Variants in TNFRSF19 observed in about 807,000 individuals in gnomAD.
TNFRSF19 encodes the protein tumor necrosis factor receptor superfamily member 19.
In TNFRSF19, 27 loss-of-function variants were observed where a neutral mutation model predicts 46.4. The ratio of observed to expected loss-of-function variants is 0.58; its 90% CI spans 0.43 to 0.80. The LOEUF (loss-of-function observed/expected upper bound fraction) is 0.80, where lower values mean the gene tolerates loss of function less well. Among genes scored for constraint, TNFRSF19 ranks in the 30% least tolerant of loss-of-function variants. The pLI is 0.00. For synonymous variants in TNFRSF19, 204 were observed against 205.0 expected (o/e 1.00, Z 0.04); for missense variants, 511 against 530.8 (o/e 0.96, Z 0.37).
chr13:23,653,399 A>G (rs1883771507), intron 5 of TNFRSF19, among the ~76,000 whole-genome samples: 1 of 152,204 alleles, frequency 6.6e-6, no homozygotes, highest in South Asian at 2.1e-4. Context: ...AATGACAGTG[A>G]ACCAAACAAG....
At position 23,670,280 on chromosome 13, in the gene TNFRSF19, G is replaced by A. The variant is rs144487878; in HGVS notation, c.1245+1183G>A. 4.3e-4 allele frequency among the ~76,000 whole-genome samples: 65 copies of A among 152,192 alleles called. 1 individual carries two copies. In the East Asian group the frequency reaches 7.5e-3, roughly 18 times the overall value. ...AGCAATCACAGCTCACTGCAGCCTC[G>A]TCCTCCTGGGCTCAAGCCATCTTCC... On this transcript the variant is annotated intron_variant, in intron 9 of 9. Transcript: ENST00000248484.
intron 2 of TNFRSF19, among the ~76,000 whole-genome samples, chr13:23,593,038 T>A (rs1376284399): frequency 6.6e-6 from 1 of 152,126 alleles, no homozygotes. Flanking sequence ...TCCTAAGTCA[T>A]GTCATATCTT....
At chr13:23,647,128 G>A (rs1229121310) in intron 5 of TNFRSF19, among the ~76,000 whole-genome samples, 1 of 152,050 alleles carries the variant, frequency 6.6e-6, no homozygotes, top group Non-Finnish European at 1.5e-5. Flanking sequence ...GAATTTGTTT[G>A]TCTGTTTTTT....
At chr13:23,592,931 A>AT (rs990085853) in intron 2 of TNFRSF19, among the ~76,000 whole-genome samples, 10 of 151,822 alleles carry the variant, frequency 6.6e-5, no homozygotes, top group African/African-American at 2.4e-4. Context: ...TTCAATTCAG[A>AT]TTTTTTTCTG....
chr13:23,648,666 TG>T (rs755969889), intron 5 of TNFRSF19, among the ~76,000 whole-genome samples: 2 of 152,198 alleles, frequency 1.3e-5, no homozygotes, highest in Non-Finnish European at 2.9e-5. Flanking sequence ...TTCTTGATCT[TG>T]GGGGAAAGTA....
intron 3 of TNFRSF19, chr13:23,594,373 G>A: frequency 2.4e-6 from 1 of 421,618 alleles, no homozygotes; most frequent in South Asian, 1.7e-5. Context: ...CTCACTGCCA[G>A]CACAGCAGTG....
At chr13:23,673,348 G>C (rs1199088119) in intron 9 of TNFRSF19, 24 bp from the exon 10 acceptor site, 1 of 1,591,278 alleles carries the variant, frequency 6.3e-7, no homozygotes, top group African/African-American at 1.3e-5. Flanking sequence ...TATTTCTAAA[G>C]CTTCCTTTCT....
intron 5 of TNFRSF19, among the ~76,000 whole-genome samples, chr13:23,651,882 A>AAAAAAAAAT: frequency 7.6e-6 from 1 of 131,264 alleles, no homozygotes. Context: ...GTTGGAAAGA[A>AAAAAAAAAT]CATAACATGC....
In TNFRSF19 at chr13:23,581,127, C is replaced by CT. The variant is rs1226042943; in HGVS notation, c.-34-9019dup. Among the ~76,000 whole-genome samples the CT allele has an allele frequency of 1.7e-3, 211 of 123,272 alleles. 1 individual carries two copies. Among genetic ancestry groups the CT allele is most frequent in the African/African-American group, 4.0e-3 (136 of 34,048 alleles). 80.9% of individuals were successfully genotyped at this position (123,272 alleles called of 152,430 possible). ...ATGTCGATGTGCCTTTTCTTTTTTT[C>CT]TTTTCTTTTTTTTTTTTTGAAACGG... On this transcript the variant is annotated intron_variant, in intron 1 of 9. Transcript: ENST00000248484.
chr13:23,581,132 C>CTTTTCTTT (rs1878390298), intron 1 of TNFRSF19, among the ~76,000 whole-genome samples: 5 of 143,666 alleles, frequency 3.5e-5, no homozygotes, highest in African/African-American at 1.0e-4. Flanking sequence ...TTTTTCTTTT[C>CTTTTCTTT]TTTTTTTTTT....
intron 7 of TNFRSF19, among the ~76,000 whole-genome samples, chr13:23,660,830 AC>A (rs914705818): frequency 1.3e-5 from 2 of 152,140 alleles, no homozygotes; most frequent in African/African-American, 4.8e-5. Flanking sequence ...GTTGATTCAA[AC>A]CAAACACTAA....
In TNFRSF19 at chr13:23,650,601, G is replaced by A. The variant is rs190721612; in HGVS notation, c.446-8449G>A. Among the ~76,000 whole-genome samples the A allele has an allele frequency of 3.3e-5, 5 of 152,184 alleles. No homozygotes were observed. In the East Asian group the frequency reaches 5.8e-4, roughly 18 times the overall value. On this transcript the variant is annotated intron_variant, in intron 5 of 9. Transcript: ENST00000248484. ...CCAGGGGCTGCAGGGATGGGGGAAA[G>A]GGAGTGACCACTTAATGGGTATGGG...
intron 1 of TNFRSF19, among the ~76,000 whole-genome samples, chr13:23,576,512 A>G (rs1382201827): frequency 6.6e-6 from 1 of 152,114 alleles, no homozygotes; most frequent in Non-Finnish European, 1.5e-5. Context: ...AAATCATACA[A>G]CACTCAAATG....
At chr13:23,582,274 G>A (rs1411624789) in intron 1 of TNFRSF19, among the ~76,000 whole-genome samples, 2 of 150,202 alleles carry the variant, frequency 1.3e-5, no homozygotes, top group East Asian at 2.0e-4. Context: ...GGTGGCGGGC[G>A]CCTGTAGTCC....
At chr13:23,641,446 C>A (rs1413239284) in intron 5 of TNFRSF19, among the ~76,000 whole-genome samples, 1 of 152,184 alleles carries the variant, frequency 6.6e-6, no homozygotes, top group Non-Finnish European at 1.5e-5. Context: ...GTTTCTCCTG[C>A]AGCCTCCCAA....
chr13:23,653,273 C>A (rs1883760324), intron 5 of TNFRSF19, among the ~76,000 whole-genome samples: 1 of 152,174 alleles, frequency 6.6e-6, no homozygotes, highest in Non-Finnish European at 1.5e-5. Context: ...TGACTCTAAC[C>A]TGGATATGGT....
intron 3 of TNFRSF19, among the ~76,000 whole-genome samples, chr13:23,614,856 C>T (rs1004854477): frequency 6.6e-6 from 1 of 151,354 alleles, no homozygotes; most frequent in Non-Finnish European, 1.5e-5. Flanking sequence ...TCTAACACTA[C>T]TTCTGTCACC....
intron 5 of TNFRSF19, among the ~76,000 whole-genome samples, chr13:23,653,904 A>G (rs981125820): frequency 1.3e-5 from 2 of 152,216 alleles, no homozygotes; most frequent in Non-Finnish European, 2.9e-5. Context: ...TCTGGGCAGC[A>G]GATCTATTGG....
At chr13:23,665,172 C>G (rs1951604102) in intron 7 of TNFRSF19, among the ~76,000 whole-genome samples, 1 of 151,958 alleles carries the variant, frequency 6.6e-6, no homozygotes, top group African/African-American at 2.4e-5. Flanking sequence ...TTAAACACCC[C>G]CAAGCATTAC....
Sources: gnomAD v4.1 joint callset for allele counts (sites outside exome capture counted in the v4.1 genomes callset) on GRCh38, gnomAD v4.1.1 for gene constraint, MANE v1.5 for transcripts, NCBI Gene and HGNC (gene_info 2026-07-23, HGNC 2026-07-21) for gene names.